Variants in RALGAPA2 observed in about 807,000 individuals in gnomAD.
RALGAPA2 encodes Ral GTPase activating protein catalytic subunit alpha 2, also known as ral GTPase-activating protein subunit alpha-2.
In RALGAPA2, 139 loss-of-function variants were observed where a neutral mutation model predicts 230.4. That is an observed-to-expected ratio of 0.60 (90% CI 0.53 to 0.69). The LOEUF (loss-of-function observed/expected upper bound fraction) is 0.69, where lower values mean the gene tolerates loss of function less well. Among genes scored for constraint, RALGAPA2 ranks in the 30% least tolerant of loss-of-function variants. The pLI is 0.00. For missense variants in RALGAPA2, 2,163 were observed against 2,276.0 expected (o/e 0.95, Z 1.01); for synonymous variants, 847 against 837.8 (o/e 1.01, Z -0.19).
chr20:20,436,104 C>T (rs903752783), intron 37 of RALGAPA2, among the ~76,000 whole-genome samples: 3 of 152,186 alleles, frequency 2.0e-5, no homozygotes, highest in Admixed American at 2.0e-4. Context: ...TGGAAAAGCC[C>T]GCTGGGCCCC....
At chr20:20,559,801 C>A (rs1017351875) in intron 23 of RALGAPA2, among the ~76,000 whole-genome samples, 1 of 151,990 alleles carries the variant, frequency 6.6e-6, no homozygotes, top group Non-Finnish European at 1.5e-5. Context: ...GATACTTTAC[C>A]TTTCGAACAA....
intron 14 of RALGAPA2, among the ~76,000 whole-genome samples, chr20:20,609,854 A>G (rs1213354366): frequency 6.6e-6 from 1 of 152,248 alleles, no homozygotes; most frequent in African/African-American, 2.4e-5. Context: ...AGCTGGACAC[A>G]TGCAAAAGAA....
At chr20:20,588,605 A>G (rs987520527) in intron 18 of RALGAPA2, among the ~76,000 whole-genome samples, 4 of 152,182 alleles carry the variant, frequency 2.6e-5, no homozygotes, top group Admixed American at 6.5e-5. Flanking sequence ...AACAGAATAT[A>G]CAAATGTAAA....
In RALGAPA2 at chr20:20,445,373, T is replaced by G. The variant is rs139243451; in HGVS notation, c.5495+27456A>C. Among the ~76,000 whole-genome samples, 170 of 152,098 alleles carry G rather than the reference T, an allele frequency of 1.1e-3. 1 individual carries two copies. The highest frequency in any genetic ancestry group is 3.8e-3 in the African/African-American group (159 of 41,492). On this transcript the variant is annotated intron_variant, in intron 37 of 39. Coordinates refer to ENST00000202677, the MANE Select transcript of RALGAPA2 (RefSeq NM_020343.4). The stretch of plus-strand genomic sequence containing the variant: ...CATGGCAGAAAGGCAGATGATGGAG[T>G]AAATATATTGGTCAGATGTTGGTTC...
At chr20:20,419,378 G>T (rs1350706845) in intron 37 of RALGAPA2, among the ~76,000 whole-genome samples, 2 of 152,180 alleles carry the variant, frequency 1.3e-5, no homozygotes, top group African/African-American at 4.8e-5. Flanking sequence ...GTCGAAGGTT[G>T]ATATAAAAGG....
chr20:20,549,194 A>C (rs981372115), intron 23 of RALGAPA2, among the ~76,000 whole-genome samples: 1 of 152,226 alleles, frequency 6.6e-6, no homozygotes, highest in African/African-American at 2.4e-5. Flanking sequence ...ACAAGCTAAT[A>C]CCACAATTTG....
chr20:20,462,011 G>A (rs2061313871), intron 37 of RALGAPA2, among the ~76,000 whole-genome samples: 2 of 152,140 alleles, frequency 1.3e-5, no homozygotes, highest in African/African-American at 4.8e-5. Context: ...TTAAACAAGT[G>A]GACAAGGCAG....
intron 22 of RALGAPA2, 41 bp downstream of exon 22, chr20:20,571,807 A>G: frequency 6.5e-7 from 1 of 1,539,372 alleles, no homozygotes; most frequent in Non-Finnish European, 8.9e-7. Flanking sequence ...TCAGAAAGGA[A>G]GAGGAAATCG....
rs749282792 is a variant in RALGAPA2 at position 20,620,575 on chromosome 20, T to C, written c.1289A>G (p.Tyr430Cys). 12 of 1,613,744 alleles carry C rather than the reference T, an allele frequency of 7.4e-6. No homozygotes were observed. Among genetic ancestry groups the C allele is most frequent in the Non-Finnish European group, 1.0e-5 (12 of 1,179,828 alleles). The change falls in exon 11 of 40, where the codon TAC becomes TGC. Residue 430 changes from tyrosine to cysteine, a missense_variant. Coordinates refer to ENST00000202677, the MANE Select transcript of RALGAPA2 (RefSeq NM_020343.4). ...TTTGTCCTGGAGAATCCACTTTCTG[T>C]ACACTTGAACTACTTTTCTTGTTAC... Reference protein sequence around the residue: ...IAVTRKVVQVYRKWILQDKPV... With the variant: ...IAVTRKVVQVCRKWILQDKPV...
At chr20:20,639,342 G>A (rs760007606) in intron 7 of RALGAPA2, among the ~76,000 whole-genome samples, 6 of 152,190 alleles carry the variant, frequency 3.9e-5, no homozygotes, top group Non-Finnish European at 5.9e-5. Context: ...TCATAAACCA[G>A]TTACTTCAGT....
chr20:20,560,832 A>G (rs1407913600), intron 23 of RALGAPA2, among the ~76,000 whole-genome samples: 3 of 152,218 alleles, frequency 2.0e-5, no homozygotes, highest in Non-Finnish European at 2.9e-5. Flanking sequence ...ATGAGAAAAG[A>G]TGGTCTTACA....
chr20:20,543,293 C>T (rs1451462753), intron 24 of RALGAPA2, among the ~76,000 whole-genome samples: 1 of 152,068 alleles, frequency 6.6e-6, no homozygotes, highest in African/African-American at 2.4e-5. Context: ...GATCTGTCTG[C>T]CCCGGCCTCC....
rs531961927 is a variant in RALGAPA2 at position 20,700,146 on chromosome 20, G to A, written c.106+12229C>T. On this transcript the variant is annotated intron_variant, in intron 1 of 39. Coordinates refer to ENST00000202677, the MANE Select transcript of RALGAPA2 (RefSeq NM_020343.4). Reference sequence around the variant, plus strand: ...CAGCCATAAAAAAGAATGAAATCATGTCTTCTACAGCAACGTGAATGCAGC... The same window carrying A: ...CAGCCATAAAAAAGAATGAAATCATATCTTCTACAGCAACGTGAATGCAGC... 2.2e-4 allele frequency among the ~76,000 whole-genome samples: 34 copies of A among 152,278 alleles called. No individual in the cohort carries two copies. The South Asian group carries it at 6.4e-3, about 29-fold the overall frequency.
intron 9 of RALGAPA2, among the ~76,000 whole-genome samples, chr20:20,632,325 C>T (rs1354959152): frequency 1.3e-5 from 2 of 151,994 alleles, no homozygotes; most frequent in African/African-American, 4.8e-5. Context: ...CCACCGTGCC[C>T]GGCCCCTAAT....
Position 20,680,716 on chromosome 20 carries a change from T to G in RALGAPA2, c.192A>C (p.Ala64=). 6.4e-7 allele frequency: 1 copy of G among 1,572,456 alleles called. No individual in the cohort carries two copies. Among genetic ancestry groups the G allele is most frequent in the South Asian group, 1.2e-5 (1 of 82,300 alleles). The part of the protein sequence containing the change: ...IYFIFYENFI[A]LENSLKLKGN... ...CTTTTAATTTCAAACTATTTTCCAG[T>G]GCTATAAAATTTTCATAGAAGATGA... Residue 64 remains alanine (A), a synonymous_variant, in exon 2 of 40, where the codon GCA becomes GCC. Coordinates refer to ENST00000202677, the MANE Select transcript of RALGAPA2 (RefSeq NM_020343.4).
At chr20:20,526,869 A>G (rs1340569788) in intron 27 of RALGAPA2, among the ~76,000 whole-genome samples, 1 of 152,240 alleles carries the variant, frequency 6.6e-6, no homozygotes, top group Non-Finnish European at 1.5e-5. Context: ...TGTATAACAT[A>G]CTAAGAATGT....
At chr20:20,698,413 T>TG (rs1380831659) in intron 1 of RALGAPA2, among the ~76,000 whole-genome samples, 1 of 152,006 alleles carries the variant, frequency 6.6e-6, no homozygotes, top group African/African-American at 2.4e-5. Context: ...TTGTTTGAGA[T>TG]GGAGTCTCGC....
intron 27 of RALGAPA2, among the ~76,000 whole-genome samples, chr20:20,528,139 G>A (rs530570332): frequency 2.0e-5 from 3 of 152,142 alleles, no homozygotes; most frequent in Non-Finnish European, 2.9e-5. Flanking sequence ...AGGAAAGGTC[G>A]GTCGGATACA....
intron 38 of RALGAPA2, among the ~76,000 whole-genome samples, chr20:20,399,516 C>T (rs915547989): frequency 2.6e-5 from 4 of 152,076 alleles, no homozygotes; most frequent in Non-Finnish European, 5.9e-5. Flanking sequence ...ACTCAGACAC[C>T]AAAAGGCCAA....
Sources: allele counts gnomAD v4.1 joint callset (sites outside exome capture counted in the v4.1 genomes callset), GRCh38; gene constraint gnomAD v4.1.1; transcripts MANE v1.5; gene names NCBI Gene and HGNC (gene_info 2026-07-23, HGNC 2026-07-21).